Variants in USP14 observed in about 807,000 individuals in gnomAD.
USP14 encodes ubiquitin specific peptidase 14, also known as ubiquitin carboxyl-terminal hydrolase 14.
In USP14, 38 loss-of-function variants were observed where a neutral mutation model predicts 76.5. That is an observed-to-expected ratio of 0.50 (90% confidence interval 0.38 to 0.65). USP14 has a LOEUF of 0.65. USP14 is among the 30% of genes least tolerant of loss of function. The probability of loss-of-function intolerance (pLI) is 0.00; values close to 1 mark genes in which losing one functional copy is unlikely to be tolerated. For missense variants in USP14, 467 were observed against 586.5 expected (o/e 0.80, Z 2.10); for synonymous variants, 192 against 191.7 (o/e 1.00, Z -0.01).
At chr18:174,025 T>A (rs1040468884) in intron 3 of USP14, among the ~76,000 whole-genome samples, 4 of 152,158 alleles carry the variant, frequency 2.6e-5, no homozygotes, top group African/African-American at 9.6e-5. Flanking sequence ...AAAGTTGCGT[T>A]GGCTATTCTG....
chr18:203,457 T>C (rs865781873), intron 12 of USP14, among the ~76,000 whole-genome samples: 1 of 152,076 alleles, frequency 6.6e-6, no homozygotes, highest in South Asian at 2.1e-4. Flanking sequence ...TATTATATTT[T>C]TCAAAAGATT....
chr18:180,353 C>T lies in USP14; in HGVS notation c.404+14C>T. 6.5e-7 allele frequency: 1 copy of T among 1,543,524 alleles called. No individual in the cohort carries two copies. Among genetic ancestry groups the T allele is most frequent in the East Asian group, 2.3e-5 (1 of 43,434 alleles). ...TGCCCTTAAAAGGTAAGACTGCAGT[C>T]TTTTTTGGGTAAGGGATGTTCACAT... On this transcript the variant is annotated intron_variant, in intron 5 of 15. Transcript: ENST00000261601.
Position 166,829 on chromosome 18 carries a change from A to G in USP14, c.195+10A>G. ...CATCAAAATAAAAAATGTAAGTATT[A>G]TCTTATGAACGTTTATTATAATGCA... On this transcript the variant is annotated intron_variant, in intron 3 of 15. Coordinates refer to ENST00000261601, the MANE Select transcript of USP14 (RefSeq NM_005151.4). 6.2e-7 allele frequency: 1 copy of G among 1,609,074 alleles called. No individual in the cohort carries two copies. The highest frequency in any genetic ancestry group is 8.5e-7 in the Non-Finnish European group (1 of 1,176,464).
chr18:168,238 A>T, intron 3 of USP14, among the ~76,000 whole-genome samples: 1 of 151,774 alleles, frequency 6.6e-6, no homozygotes. Flanking sequence ...AATACAGTTG[A>T]TTTTTCTAAG....
At chr18:194,317 A>G (rs937387427) in intron 6 of USP14, among the ~76,000 whole-genome samples, 2 of 152,344 alleles carry the variant, frequency 1.3e-5, no homozygotes, top group East Asian at 3.9e-4. Flanking sequence ...CAGCTCATGT[A>G]TCTTAGAATA....
chr18:202,026 A>T (rs1476168482), intron 10 of USP14, among the ~76,000 whole-genome samples: 1 of 152,206 alleles, frequency 6.6e-6, no homozygotes, highest in Non-Finnish European at 1.5e-5. Context: ...TAGTAATTTT[A>T]AAAAATCAGA....
intron 1 of USP14, 90 bp from the exon 2 acceptor site, chr18:163,217 TC>T: frequency 8.3e-7 from 1 of 1,210,896 alleles, no homozygotes; most frequent in South Asian, 1.6e-5. Context: ...ATGTTTTGAC[TC>T]CCGATAACTG....
chr18:213,916 A>ACTT lies in USP14; in HGVS notation c.*2634_*2636dup, dbSNP rs1281446679. 8 of 152,200 alleles carry ACTT rather than the reference A, an allele frequency of 5.3e-5. No homozygotes were observed. Among genetic ancestry groups the ACTT allele is most frequent in the Admixed American group, 5.2e-4 (8 of 15,268 alleles). The allele number at this position is 152,200 out of a possible 1,614,324, so 9.4% of individuals were successfully genotyped here. A position where few individuals can be genotyped will look rare whatever the true frequency, so the allele number is the denominator to read the frequency against. On this transcript the variant is annotated 3_prime_UTR_variant, in exon 16 of 16. Transcript: ENST00000261601. ...GCTAGAAGGAAAAGTGAGGTTTTAG[A>ACTT]CTTCATTTCTTTTAAAGTTGGCAAA...
rs1910773865 is a variant in USP14 at position 214,138 on chromosome 18, T to G, written c.*2854T>G. ...TTAGTTAGTTATGAGTGAGCACAGC[T>G]GGGTGCCAGTACAATTTTAATGATC... On this transcript the variant is annotated 3_prime_UTR_variant, in exon 16 of 16. Transcript: ENST00000261601. The G allele has an allele frequency of 6.4e-6, 1 of 156,260 alleles. No homozygotes were observed. The highest frequency in any genetic ancestry group is 2.4e-5 in the African/African-American group (1 of 41,466). The allele number at this position is 156,260 out of a possible 1,614,324, so 9.7% of individuals were successfully genotyped here.
intron 5 of USP14, among the ~76,000 whole-genome samples, chr18:191,380 C>T (rs1340572180): frequency 1.3e-5 from 2 of 152,190 alleles, no homozygotes; most frequent in Non-Finnish European, 2.9e-5. Flanking sequence ...TGATTTCTTT[C>T]ATACTACTTA....
intron 3 of USP14, among the ~76,000 whole-genome samples, chr18:178,185 A>G (rs1909682616): frequency 6.6e-6 from 1 of 152,054 alleles, no homozygotes; most frequent in South Asian, 2.1e-4. Context: ...ATGCCCAGCT[A>G]ATATTGGTAT....
chr18:201,929 G>C (rs2143081605), intron 10 of USP14, among the ~76,000 whole-genome samples: 1 of 152,080 alleles, frequency 6.6e-6, no homozygotes, highest in Non-Finnish European at 1.5e-5. Context: ...TGAGTAATTT[G>C]GCTTCGTTTC....
rs1910716680 is a variant in USP14, at chr18:213,068, G to A, written c.*1784G>A. On this transcript the variant is annotated 3_prime_UTR_variant, in exon 16 of 16. Coordinates refer to ENST00000261601, the MANE Select transcript of USP14 (RefSeq NM_005151.4). ...CAATCAATACTTTCTACTTTGTGGA[G>A]GGGATTAAGAATAGAATGGGCAGGA... is the stretch of plus-strand genomic sequence containing the variant. The A allele has an allele frequency of 6.6e-6, 1 of 152,162 alleles. No homozygotes were observed. The allele number at this position is 152,162 out of a possible 1,614,324, so 9.4% of individuals were successfully genotyped here.
intron 7 of USP14, 145 bp downstream of exon 7, chr18:196,912 G>A: frequency 1.0e-6 from 1 of 1,002,436 alleles, no homozygotes. Flanking sequence ...GAGCCGCACA[G>A]TAGTCTTAAC....
chr18:193,163 A>G (rs934189750), intron 6 of USP14, among the ~76,000 whole-genome samples: 2 of 152,148 alleles, frequency 1.3e-5, no homozygotes, highest in African/African-American at 2.4e-5. Flanking sequence ...TGTATAATAC[A>G]TATCTTTGGG....
At position 195,302 on chromosome 18, in the gene USP14, C is replaced by T. The variant is rs566107096; in HGVS notation, c.464-1335C>T. ...GATGCCCAAATTTCAGCCTTCCCTC[C>T]AAAAATATTTTTTAAACATTGTGTT... is the stretch of plus-strand genomic sequence containing the variant. On this transcript the variant is annotated intron_variant, in intron 6 of 15. Coordinates refer to ENST00000261601, the MANE Select transcript of USP14 (RefSeq NM_005151.4). Among the ~76,000 whole-genome samples the T allele has an allele frequency of 3.9e-5, 6 of 152,092 alleles. No homozygotes were observed. In the East Asian group the frequency reaches 1.2e-3, roughly 29 times the overall value.
At chr18:191,729 A>G (rs549294620) in intron 5 of USP14, among the ~76,000 whole-genome samples, 11 of 152,132 alleles carry the variant, frequency 7.2e-5, no homozygotes, top group Non-Finnish European at 1.5e-4. Flanking sequence ...CATTCATATT[A>G]TTACTGACTA....
At chr18:210,778 GTCTT>G (rs370848583) in intron 15 of USP14, among the ~76,000 whole-genome samples, 45 of 152,316 alleles carry the variant, frequency 3.0e-4, no homozygotes, top group African/African-American at 1.1e-3. Context: ...ACATTTTTAT[GTCTT>G]TCTGTTGTCT....
intron 5 of USP14, among the ~76,000 whole-genome samples, chr18:186,964 G>A (rs1909948362): frequency 1.3e-5 from 2 of 152,138 alleles, no homozygotes; most frequent in Admixed American, 1.3e-4. Context: ...GAGTTAGTGG[G>A]TTAATAAATT....
Sources: gnomAD v4.1 joint callset for allele counts (sites outside exome capture counted in the v4.1 genomes callset) on GRCh38, gnomAD v4.1.1 for gene constraint, MANE v1.5 for transcripts, NCBI Gene and HGNC (gene_info 2026-07-23, HGNC 2026-07-21) for gene names.